Variants in DRC11 observed in about 807,000 individuals in gnomAD.
DRC11 encodes the protein IQ and AAA domain-containing protein 1.
At chr2:236,485,590 T>G in the DRC11 span, among the ~76,000 whole-genome samples, 1 of 152,232 alleles carries the variant, frequency 6.6e-6, no homozygotes, top group Admixed American at 6.5e-5. Flanking sequence ...CCACTAGGAC[T>G]GACTGGTCCC....
the DRC11 span, among the ~76,000 whole-genome samples, chr2:236,351,537 T>G: frequency 1.3e-5 from 2 of 152,166 alleles, no homozygotes; most frequent in East Asian, 3.9e-4. The surrounding 1 kb of genome is among the most constrained non-coding windows in gnomAD (Gnocchi z 7.3). Flanking sequence ...AGAGGTTGCT[T>G]GTATCCTGGA....
the DRC11 span, among the ~76,000 whole-genome samples, chr2:236,500,670 G>A: frequency 3.3e-5 from 5 of 152,128 alleles, no homozygotes; most frequent in Non-Finnish European, 5.9e-5. The surrounding 1 kb of genome is among the most constrained non-coding windows in gnomAD (Gnocchi z 6.3). Context: ...GTCCATTCTC[G>A]CATTGCTATA....
the DRC11 span, among the ~76,000 whole-genome samples, chr2:236,470,692 T>G: frequency 6.6e-6 from 1 of 152,186 alleles, no homozygotes; most frequent in Non-Finnish European, 1.5e-5. This position sits in a 1 kb window ranked among gnomAD's most constrained non-coding sequence, Gnocchi z 5.1. Flanking sequence ...ATATACCTAC[T>G]CATAAAGATG....
At chr2:236,414,544 G>A in the DRC11 span, among the ~76,000 whole-genome samples, 2 of 152,018 alleles carry the variant, frequency 1.3e-5, no homozygotes, top group Non-Finnish European at 2.9e-5. Context: ...CAGGCTGGGT[G>A]CCAACTCCTG....
At chr2:236,408,827 C>T in the DRC11 span, 1 of 660,894 alleles carries the variant, frequency 1.5e-6, no homozygotes, top group Non-Finnish European at 2.8e-6. This position sits in a 1 kb window ranked among gnomAD's most constrained non-coding sequence, Gnocchi z 5.5. Context: ...CCCATAGCCA[C>T]CATGGCAGTG....
At chr2:236,334,272 A>G in the DRC11 span, among the ~76,000 whole-genome samples, 1 of 152,182 alleles carries the variant, frequency 6.6e-6, no homozygotes, top group East Asian at 1.9e-4. This position sits in a 1 kb window ranked among gnomAD's most constrained non-coding sequence, Gnocchi z 7.8. Flanking sequence ...TGGCCCTTAA[A>G]TAGCTGCTGT....
the DRC11 span, among the ~76,000 whole-genome samples, chr2:236,425,748 A>G: frequency 1.3e-5 from 2 of 151,948 alleles, no homozygotes; most frequent in Non-Finnish European, 2.9e-5. Context: ...GTTTTCTTAC[A>G]GTAGTTTTAT....
chr2:236,399,392 T>G, the DRC11 span: 1 of 1,598,476 alleles, frequency 6.3e-7, no homozygotes, highest in Middle Eastern at 1.7e-4. The surrounding 1 kb of genome is among the most constrained non-coding windows in gnomAD (Gnocchi z 7.0). Flanking sequence ...TTGGTGACCA[T>G]GCACGTTCTC....
chr2:236,366,114 A>C, the DRC11 span, among the ~76,000 whole-genome samples: 4 of 152,076 alleles, frequency 2.6e-5, no homozygotes, highest in Non-Finnish European at 2.9e-5. Context: ...CTCTGTGAGC[A>C]TGCCCCCACC....
At chr2:236,314,630 C>T in the DRC11 span, among the ~76,000 whole-genome samples, 5 of 152,042 alleles carry the variant, frequency 3.3e-5, no homozygotes, top group African/African-American at 1.2e-4. This position sits in a 1 kb window ranked among gnomAD's most constrained non-coding sequence, Gnocchi z 4.5. Context: ...GATATACAAC[C>T]AATTCAAAAA....
At chr2:236,391,872 TG>T in the DRC11 span, 1 of 900,162 alleles carries the variant, frequency 1.1e-6, no homozygotes, top group Non-Finnish European at 1.8e-6. The surrounding 1 kb of genome is among the most constrained non-coding windows in gnomAD (Gnocchi z 4.5). Context: ...TGAGGTGTCC[TG>T]GCAACAGGCG....
the DRC11 span, among the ~76,000 whole-genome samples, chr2:236,427,394 A>G: frequency 1.3e-5 from 2 of 152,152 alleles, no homozygotes; most frequent in Non-Finnish European, 2.9e-5. This position sits in a 1 kb window ranked among gnomAD's most constrained non-coding sequence, Gnocchi z 5.9. Context: ...ACAAGAAGCC[A>G]TTTTATCCTG....
chr2:236,463,895 C>T, the DRC11 span, among the ~76,000 whole-genome samples: 5 of 152,084 alleles, frequency 3.3e-5, no homozygotes, highest in South Asian at 2.1e-4. The surrounding 1 kb of genome is among the most constrained non-coding windows in gnomAD (Gnocchi z 5.0). Context: ...TCACCTGGGT[C>T]GAGGGGATCC....
the DRC11 span, among the ~76,000 whole-genome samples, chr2:236,376,019 G>C: frequency 5.3e-5 from 8 of 152,184 alleles, no homozygotes; most frequent in Admixed American, 2.0e-4. The surrounding 1 kb of genome is among the most constrained non-coding windows in gnomAD (Gnocchi z 5.7). Context: ...TAAAGGGAAA[G>C]ATGATGCTTT....
the DRC11 span, among the ~76,000 whole-genome samples, chr2:236,333,665 G>A: frequency 1.3e-5 from 2 of 152,122 alleles, no homozygotes; most frequent in African/African-American, 4.8e-5. The surrounding 1 kb of genome is among the most constrained non-coding windows in gnomAD (Gnocchi z 6.0). Flanking sequence ...AGTGGGAAGG[G>A]GTGAGGGCCA....
chr2:236,381,168 C>G, the DRC11 span, among the ~76,000 whole-genome samples: 1 of 152,150 alleles, frequency 6.6e-6, no homozygotes, highest in Non-Finnish European at 1.5e-5. The surrounding 1 kb of genome is among the most constrained non-coding windows in gnomAD (Gnocchi z 5.8). Context: ...GAAGACACAG[C>G]TAGGAGGAAC....
At chr2:236,337,988 T>C in the DRC11 span, among the ~76,000 whole-genome samples, 1 of 152,202 alleles carries the variant, frequency 6.6e-6, no homozygotes, top group Admixed American at 6.5e-5. The surrounding 1 kb of genome is among the most constrained non-coding windows in gnomAD (Gnocchi z 4.9). Context: ...CCTTTTGTCT[T>C]GGGTAGAGAG....
chr2:236,407,426 C>T, the DRC11 span, among the ~76,000 whole-genome samples: 1 of 152,174 alleles, frequency 6.6e-6, no homozygotes, highest in Non-Finnish European at 1.5e-5. Flanking sequence ...GCCCTCAGCT[C>T]TCTGGCTTTT....
the DRC11 span, among the ~76,000 whole-genome samples, chr2:236,434,396 A>G: frequency 6.6e-6 from 1 of 152,220 alleles, no homozygotes; most frequent in Non-Finnish European, 1.5e-5. The surrounding 1 kb of genome is among the most constrained non-coding windows in gnomAD (Gnocchi z 5.5). Context: ...TGCTACTGTC[A>G]ACGTTAGTAA....
Sources: allele counts gnomAD v4.1 joint callset (sites outside exome capture counted in the v4.1 genomes callset), GRCh38; gene constraint gnomAD v4.1.1; non-coding constraint Gnocchi (gnomAD v3.1); transcripts MANE v1.5; gene names NCBI Gene and HGNC (gene_info 2026-07-23, HGNC 2026-07-21).